SEPTIN11: variants seen among roughly 807,000 people sequenced by gnomAD.
SEPTIN11 encodes the protein septin-11.
SEPTIN11 carries 25 observed loss-of-function variants against 51.4 expected under a neutral mutation model. The ratio of observed to expected loss-of-function variants is 0.49; its 90% CI spans 0.35 to 0.68. The LOEUF (loss-of-function observed/expected upper bound fraction) is 0.68. Ranked by LOEUF, SEPTIN11 falls within the 30% of genes least tolerant of loss-of-function variation. The pLI is 0.00. For missense variants in SEPTIN11, 381 were observed against 520.8 expected (o/e 0.73, Z 2.61); for synonymous variants, 174 against 184.1 (o/e 0.95, Z 0.44).
intron 9 of SEPTIN11, among the ~76,000 whole-genome samples, chr4:77,033,668 C>T: frequency 6.6e-6 from 1 of 152,200 alleles, no homozygotes; most frequent in East Asian, 1.9e-4. Flanking sequence ...GGTCAGTGGA[C>T]AGTGTTCCTC....
At chr4:77,033,061 A>C (rs1341165631) in intron 9 of SEPTIN11, among the ~76,000 whole-genome samples, 1 of 152,178 alleles carries the variant, frequency 6.6e-6, no homozygotes, top group African/African-American at 2.4e-5. Flanking sequence ...TGACAATGGC[A>C]CATATTTTTT....
At position 77,034,657 on chromosome 4, in the gene SEPTIN11, T is replaced by C; in HGVS notation, c.*145T>C. The C allele has an allele frequency of 7.5e-7, 1 of 1,329,194 alleles. No individual in the cohort carries two copies. 82.3% of individuals were successfully genotyped at this position (1,329,194 alleles called of 1,614,324 possible). ...ACCAGTAACTATTATTAACTCGTTT[T>C]GCTGAATGTTGTTGGGTGGTAGAAA... On this transcript the variant is annotated 3_prime_UTR_variant, in exon 10 of 10. Transcript: ENST00000264893.
chr4:77,012,320 C>CT, intron 4 of SEPTIN11, among the ~76,000 whole-genome samples: 1 of 152,050 alleles, frequency 6.6e-6, no homozygotes. Flanking sequence ...GGTCCAGCTT[C>CT]TTCAATTTTA....
rs186207790 is a variant in SEPTIN11, at chr4:77,020,372, G to A, written c.785-130G>A. On this transcript the variant is annotated intron_variant, in intron 6 of 9. Transcript: ENST00000264893. ...GGAATGTAAGGTGAATCCAGTAAAG[G>A]ATCTTCAGATGGTCTTGAGACCCCA... is the stretch of plus-strand genomic sequence containing the variant. The A allele has an allele frequency of 1.8e-3, 1,899 of 1,079,904 alleles. 13 individuals carry two copies. Among genetic ancestry groups the A allele is most frequent in the South Asian group, 0.011 (719 of 66,606 alleles). The allele number at this position is 1,079,904 out of a possible 1,614,324, so 66.9% of individuals were successfully genotyped here. A position where few individuals can be genotyped will look rare whatever the true frequency, so the allele number is the denominator to read the frequency against.
At chr4:77,011,607 A>AG in intron 3 of SEPTIN11, 128 bp from the exon 4 acceptor site, 3 of 741,496 alleles carry the variant, frequency 4.0e-6, no homozygotes, top group Non-Finnish European at 4.4e-6. Flanking sequence ...AGGTGATGGA[A>AG]GGCCTGGATA....
At chr4:77,022,966 G>A (rs896603967) in intron 7 of SEPTIN11, among the ~76,000 whole-genome samples, 5 of 152,092 alleles carry the variant, frequency 3.3e-5, no homozygotes, top group Admixed American at 6.5e-5. Flanking sequence ...TGCTGCAGAC[G>A]CACAGCCTGC....
Position 77,020,573 on chromosome 4 carries a change from C to G in SEPTIN11, c.856C>G (p.Arg286Gly), listed in dbSNP as rs377563788. ...GATCCGCGTGAACATGGAGGACTTG[C>G]GAGAGCAGACTCACACCCGCCACTA... The part of the protein sequence containing the change: ...MLIRVNMEDL[R>G]EQTHTRHYEL... The change falls in exon 7 of 10, where the codon CGA becomes GGA. Residue 286 changes from arginine to glycine, a missense_variant. Arg to Gly is a moderately radical substitution (Grantham distance 125, BLOSUM62 -2). This residue lies in a region of SEPTIN11 where 197 missense variants were observed against 313.1 expected (regional missense o/e 0.63). Coordinates refer to ENST00000264893, the MANE Select transcript of SEPTIN11 (RefSeq NM_018243.4). 6 of 1,613,862 alleles carry G rather than the reference C, an allele frequency of 3.7e-6. No homozygotes were observed. The highest frequency in any genetic ancestry group is 4.2e-6 in the Non-Finnish European group (5 of 1,179,982).
chr4:76,959,986 G>A (rs1297684655), intron 1 of SEPTIN11, among the ~76,000 whole-genome samples: 1 of 152,160 alleles, frequency 6.6e-6, no homozygotes, highest in Admixed American at 6.5e-5. Flanking sequence ...TATCCTTTGT[G>A]TTTCCAACAA....
At chr4:76,954,943 G>T (rs149765473) in intron 1 of SEPTIN11, among the ~76,000 whole-genome samples, 1 of 151,526 alleles carries the variant, frequency 6.6e-6, no homozygotes, top group East Asian at 1.9e-4. Flanking sequence ...AGCTTTGTTT[G>T]TTCTTGTCTG....
At chr4:76,994,310 T>TGG (rs1162292841) in intron 1 of SEPTIN11, among the ~76,000 whole-genome samples, 1 of 152,168 alleles carries the variant, frequency 6.6e-6, no homozygotes, top group Admixed American at 6.5e-5. Context: ...TTGGCGGATG[T>TGG]GGTAAACACC....
At chr4:76,974,898 AG>A in intron 1 of SEPTIN11, 2 of 455,050 alleles carry the variant, frequency 4.4e-6, no homozygotes, top group Non-Finnish European at 8.8e-6. Context: ...CGAGGCAGGC[AG>A]ATCACTTGAG....
chr4:77,038,699 G>C (rs1359135689), downstream of SEPTIN11: 2 of 986,150 alleles, frequency 2.0e-6, no homozygotes, highest in Non-Finnish European at 2.5e-6. Context: ...AAGAAATAGG[G>C]ATAAGAGTCT....
intron 1 of SEPTIN11, among the ~76,000 whole-genome samples, chr4:76,962,990 C>T (rs1028865811): frequency 1.3e-5 from 2 of 152,072 alleles, no homozygotes; most frequent in Non-Finnish European, 2.9e-5. Flanking sequence ...GCTTTTTGGC[C>T]CAAGTGGTGC....
rs1727085163 is a variant in SEPTIN11 at position 77,037,111 on chromosome 4, C to T, written c.*2599C>T. The T allele has an allele frequency of 9.7e-7, 1 of 1,032,250 alleles. No individual in the cohort carries two copies. Among genetic ancestry groups the T allele is most frequent in the Non-Finnish European group, 1.2e-6 (1 of 857,466 alleles). The allele number at this position is 1,032,250 out of a possible 1,614,324, so 63.9% of individuals were successfully genotyped here. On this transcript the variant is annotated 3_prime_UTR_variant, in exon 10 of 10. Transcript: ENST00000264893. ...GTGTGGTGGCTCATGCCTGTAATCC[C>T]AGCACTTTGAGAGGCCGAGGTGGGC...
At chr4:76,968,183 A>G (rs191873565) in intron 1 of SEPTIN11, among the ~76,000 whole-genome samples, 1 of 152,338 alleles carries the variant, frequency 6.6e-6, no homozygotes, top group East Asian at 1.9e-4. Context: ...GGGACGATAT[A>G]AAATGCAAGT....
At chr4:76,969,255 A>G (rs1365434533) in intron 1 of SEPTIN11, among the ~76,000 whole-genome samples, 1 of 152,116 alleles carries the variant, frequency 6.6e-6, no homozygotes, top group Non-Finnish European at 1.5e-5. Flanking sequence ...TCTTGAACAC[A>G]TTGTCTTGTT....
At chr4:77,021,839 G>A (rs1725743042) in intron 7 of SEPTIN11, among the ~76,000 whole-genome samples, 1 of 152,168 alleles carries the variant, frequency 6.6e-6, no homozygotes, top group Non-Finnish European at 1.5e-5. Flanking sequence ...GGAATGCCTG[G>A]GCTTGTCGCC....
At chr4:76,999,214 C>G (rs928494801) in intron 2 of SEPTIN11, among the ~76,000 whole-genome samples, 2 of 152,172 alleles carry the variant, frequency 1.3e-5, no homozygotes, top group East Asian at 3.9e-4. Context: ...ATAGGAGTGT[C>G]AGCATTAAAT....
At position 77,019,097 on chromosome 4, in the gene SEPTIN11, A is replaced by G. The variant is rs1725510506; in HGVS notation, c.688-68A>G. The G allele has an allele frequency of 2.1e-6, 3 of 1,434,264 alleles. No individual in the cohort carries two copies. The Admixed American group carries it at 6.0e-5, about 28-fold the overall frequency. The allele number at this position is 1,434,264 out of a possible 1,614,324, so 88.8% of individuals were successfully genotyped here. A position where few individuals can be genotyped will look rare whatever the true frequency, so the allele number is the denominator to read the frequency against. ...AGGCCTGCAGAAGGAGGGAGAAGAT[A>G]GAGACTGGTGGAAACCAGTCTGTCA... is the stretch of plus-strand genomic sequence containing the variant. On this transcript the variant is annotated intron_variant, in intron 5 of 9. Transcript: ENST00000264893.
Sources: gnomAD v4.1 joint callset for allele counts (sites outside exome capture counted in the v4.1 genomes callset) on GRCh38, gnomAD v4.1.1 for gene constraint, gnomAD v4.1.1 regional missense constraint, MANE v1.5 for transcripts, NCBI Gene and HGNC (gene_info 2026-07-23, HGNC 2026-07-21) for gene names.